The following PLEKHM3 variants were observed in gnomAD, a reference collection of about 807,000 sequenced individuals.
PLEKHM3 encodes the protein pleckstrin homology domain-containing family M member 3.
A neutral mutation model predicts 81.8 loss-of-function variants in PLEKHM3; 45 were observed. The observed-to-expected ratio is 0.55, with a 90% CI of 0.43 to 0.71. The LOEUF is 0.71. Among genes scored for constraint, PLEKHM3 ranks in the 30% least tolerant of loss-of-function variants. The pLI is 0.00. For missense variants in PLEKHM3, 788 were observed against 924.3 expected (o/e 0.85, Z 1.91); for synonymous variants, 352 against 356.4 (o/e 0.99, Z 0.14).
intron 7 of PLEKHM3, among the ~76,000 whole-genome samples, chr2:207,844,224 G>T (rs1271386033): frequency 3.3e-5 from 5 of 150,748 alleles, no homozygotes. Flanking sequence ...TTCCAAGGCA[G>T]TCTTTGAATC....
At chr2:207,869,369 C>G (rs1255951545) in intron 6 of PLEKHM3, among the ~76,000 whole-genome samples, 1 of 152,118 alleles carries the variant, frequency 6.6e-6, no homozygotes, top group Non-Finnish European at 1.5e-5. Flanking sequence ...CCTTGCTTCC[C>G]TGCACTCAAC....
At chr2:208,022,948 C>A (rs1335951744) in intron 1 of PLEKHM3, among the ~76,000 whole-genome samples, 1 of 152,112 alleles carries the variant, frequency 6.6e-6, no homozygotes, top group Non-Finnish European at 1.5e-5. Context: ...TATAATTAAA[C>A]CTCAATTACA....
intron 2 of PLEKHM3, among the ~76,000 whole-genome samples, chr2:207,994,917 T>A (rs892096498): frequency 6.6e-6 from 1 of 152,122 alleles, no homozygotes; most frequent in Non-Finnish European, 1.5e-5. Context: ...TGTCTCTCCA[T>A]AAGGCAAGGC....
intron 1 of PLEKHM3, among the ~76,000 whole-genome samples, chr2:208,023,035 T>C (rs765401951): frequency 4.6e-5 from 7 of 152,186 alleles, no homozygotes; most frequent in Non-Finnish European, 8.8e-5. Flanking sequence ...CAACTAACTA[T>C]GAATGGGGCT....
Position 207,932,512 on chromosome 2 carries a change from G to GA in PLEKHM3, c.1693-1394dup, listed in dbSNP as rs113194774. Among the ~76,000 whole-genome samples, 868 of 150,868 alleles carry GA rather than the reference G, an allele frequency of 5.8e-3. 5 individuals are homozygous for GA. The highest frequency in any genetic ancestry group is 0.015 in the African/African-American group (614 of 41,164). On this transcript the variant is annotated intron_variant, in intron 4 of 7. Coordinates refer to ENST00000427836, the MANE Select transcript of PLEKHM3 (RefSeq NM_001080475.3). ...AACAAAAAACTTTGCTTATTAAAAA[G>GA]AAAAAAAAATCTATGTTTCATATGG... is the stretch of plus-strand genomic sequence containing the variant.
intron 3 of PLEKHM3, among the ~76,000 whole-genome samples, chr2:207,966,699 C>T (rs1690923667): frequency 6.6e-6 from 1 of 152,006 alleles, no homozygotes; most frequent in Admixed American, 6.5e-5. Flanking sequence ...ACTACAGGTG[C>T]CTGCCACCAT....
At chr2:207,883,523 A>G (rs1394999332) in intron 6 of PLEKHM3, among the ~76,000 whole-genome samples, 1 of 152,232 alleles carries the variant, frequency 6.6e-6, no homozygotes, top group Non-Finnish European at 1.5e-5. Context: ...GAATAAGAAG[A>G]TAGCACTGAA....
Position 207,821,965 on chromosome 2 carries a change from G to C in PLEKHM3, c.*6354C>G, listed in dbSNP as rs1036873324. On this transcript the variant is annotated 3_prime_UTR_variant, in exon 8 of 8. Transcript: ENST00000427836. ...ATATATCTTCTAGGGTAGGCTAGTA[G>C]CTATTCACAGTAAGATTCTACTTCT... The C allele has an allele frequency of 2.0e-5, 3 of 152,104 alleles. No individual in the cohort carries two copies. Among genetic ancestry groups the C allele is most frequent in the Non-Finnish European group, 4.4e-5 (3 of 68,038 alleles). 9.4% of individuals were successfully genotyped at this position (152,104 alleles called of 1,614,324 possible).
intron 7 of PLEKHM3, among the ~76,000 whole-genome samples, chr2:207,836,183 T>C (rs1218621639): frequency 6.6e-6 from 1 of 152,088 alleles, no homozygotes; most frequent in East Asian, 1.9e-4. Flanking sequence ...TTTCAATAAA[T>C]GCATCATATG....
intron 4 of PLEKHM3, among the ~76,000 whole-genome samples, chr2:207,931,418 T>C (rs531671898): frequency 6.6e-6 from 1 of 152,326 alleles, no homozygotes; most frequent in South Asian, 2.1e-4. Flanking sequence ...ATTATACCAA[T>C]GTCAACTTGC....
chr2:207,872,477 A>C (rs1178952725), intron 6 of PLEKHM3, among the ~76,000 whole-genome samples: 1 of 152,212 alleles, frequency 6.6e-6, no homozygotes, highest in Non-Finnish European at 1.5e-5. Context: ...TTATTGGCTC[A>C]ACTAGGGGAA....
At chr2:207,836,010 A>G (rs1335422386) in intron 7 of PLEKHM3, among the ~76,000 whole-genome samples, 2 of 152,144 alleles carry the variant, frequency 1.3e-5, no homozygotes, top group Admixed American at 1.3e-4. Flanking sequence ...GATACACCAC[A>G]AGACATGGGA....
intron 5 of PLEKHM3, among the ~76,000 whole-genome samples, chr2:207,924,001 C>A (rs1328069513): frequency 2.0e-5 from 3 of 147,958 alleles, no homozygotes; most frequent in Non-Finnish European, 4.5e-5. Context: ...CTCCGCCTCC[C>A]AGGTTCGAGC....
At chr2:207,934,009 T>C (rs969871117) in intron 4 of PLEKHM3, among the ~76,000 whole-genome samples, 3 of 152,118 alleles carry the variant, frequency 2.0e-5, no homozygotes, top group East Asian at 1.9e-4. Context: ...AAATAGAGCA[T>C]TGTATCCCCA....
intron 6 of PLEKHM3, among the ~76,000 whole-genome samples, chr2:207,871,939 C>G (rs553021457): frequency 6.6e-6 from 1 of 152,304 alleles, no homozygotes; most frequent in South Asian, 2.1e-4. Flanking sequence ...TAGGTCTCTA[C>G]TATTCCTTTT....
At chr2:207,957,846 A>G (rs75031914) in intron 3 of PLEKHM3, among the ~76,000 whole-genome samples, 2,877 of 152,358 alleles carry the variant, frequency 0.019, 93 homozygotes, top group African/African-American at 0.065. Context: ...TAGCACAGCG[A>G]TTCTCAACCA....
intron 6 of PLEKHM3, among the ~76,000 whole-genome samples, chr2:207,890,052 G>A (rs955843789): frequency 2.0e-5 from 3 of 152,050 alleles, no homozygotes; most frequent in East Asian, 3.9e-4. Context: ...CAATCTGCCC[G>A]CCTTGGCCTC....
chr2:207,832,103 T>C (rs1223884587), intron 7 of PLEKHM3, among the ~76,000 whole-genome samples: 8 of 152,198 alleles, frequency 5.3e-5, no homozygotes, highest in Admixed American at 4.6e-4. Context: ...CATGGGGTGA[T>C]GGAAGAGCTG....
chr2:208,000,172 G>C (rs1692249370), intron 2 of PLEKHM3, among the ~76,000 whole-genome samples: 1 of 152,138 alleles, frequency 6.6e-6, no homozygotes. Context: ...TCCGCCATGA[G>C]GGAGGACCTA....
Sources: allele counts gnomAD v4.1 joint callset (sites outside exome capture counted in the v4.1 genomes callset), GRCh38; gene constraint gnomAD v4.1.1; transcripts MANE v1.5; gene names NCBI Gene and HGNC (gene_info 2026-07-23, HGNC 2026-07-21).